Variants in SLC2A13 observed in about 807,000 individuals in gnomAD.
SLC2A13 encodes the protein solute carrier family 2 member 13.
Under a neutral mutation model 64.4 loss-of-function variants are expected in SLC2A13, and 32 were observed. That is an observed-to-expected ratio of 0.50 (90% CI 0.37 to 0.67). The LOEUF (loss-of-function observed/expected upper bound fraction) is 0.67. Among genes scored for constraint, SLC2A13 ranks in the 30% least tolerant of loss-of-function variants. SLC2A13 has a pLI of 0.00. For synonymous variants in SLC2A13, 338 were observed against 327.1 expected, an observed-to-expected ratio of 1.03 and a Z score of -0.36; for missense variants, 743 against 829.2, an observed-to-expected ratio of 0.90 and a Z score of 1.28.
intron 7 of SLC2A13, among the ~76,000 whole-genome samples, chr12:39,781,432 C>T (rs1211077805): frequency 6.6e-6 from 1 of 152,226 alleles, no homozygotes; most frequent in Non-Finnish European, 1.5e-5. Flanking sequence ...ACGTCACCTG[C>T]CATTGTCACC....
In SLC2A13 at chr12:39,895,731, TACGTACACAC is replaced by T. The variant is rs1177202147; in HGVS notation, c.1035-23780_1035-23771del. ...GTACACACATATGTATATGCGTGTA[TACGTACACAC>T]ATGTATATGCGTGTATACGTACACA... On this transcript the variant is annotated intron_variant, in intron 4 of 9. Coordinates refer to ENST00000280871, the MANE Select transcript of SLC2A13 (RefSeq NM_052885.4). 6.0e-4 allele frequency among the ~76,000 whole-genome samples: 74 copies of T among 124,194 alleles called. 21 individuals carry two copies. Among genetic ancestry groups the T allele is most frequent in the Non-Finnish European group, 8.0e-4 (47 of 58,448 alleles). 81.5% of individuals were successfully genotyped at this position (124,194 alleles called of 152,430 possible).
At chr12:39,918,754 C>T (rs1039184814) in intron 4 of SLC2A13, among the ~76,000 whole-genome samples, 5 of 150,980 alleles carry the variant, frequency 3.3e-5, no homozygotes, top group African/African-American at 4.9e-5. Flanking sequence ...ATTAGCTGGG[C>T]GTGGTGGCGC....
At chr12:39,797,550 T>C (rs1373086332) in intron 7 of SLC2A13, among the ~76,000 whole-genome samples, 6 of 152,186 alleles carry the variant, frequency 3.9e-5, no homozygotes, top group South Asian at 4.1e-4. Flanking sequence ...AATATTTTAG[T>C]CAATTTCACA....
intron 3 of SLC2A13, among the ~76,000 whole-genome samples, chr12:40,009,182 G>A (rs370920781): frequency 8.5e-5 from 13 of 152,148 alleles, no homozygotes; most frequent in Admixed American, 5.2e-4. Context: ...TATAAAATGC[G>A]TGGGATCGAT....
chr12:39,896,279 C>T (rs1452800960), intron 4 of SLC2A13, among the ~76,000 whole-genome samples: 21 of 79,958 alleles, frequency 2.6e-4, no homozygotes, highest in Admixed American at 1.7e-3. Flanking sequence ...TATATGTATA[C>T]ATGTATGTAT....
chr12:39,812,559 G>A (rs1409780864), intron 7 of SLC2A13, among the ~76,000 whole-genome samples: 2 of 151,374 alleles, frequency 1.3e-5, no homozygotes, highest in African/African-American at 2.4e-5. Context: ...TGCAACCTCC[G>A]CCTCTGAGAT....
chr12:39,792,781 T>C (rs1423800605), intron 7 of SLC2A13, among the ~76,000 whole-genome samples: 4 of 140,740 alleles, frequency 2.8e-5, no homozygotes, highest in Non-Finnish European at 6.1e-5. Context: ...CCCACTGATA[T>C]GGAGGGCTGG....
At chr12:39,955,961 T>C (rs966712877) in intron 3 of SLC2A13, among the ~76,000 whole-genome samples, 4 of 152,108 alleles carry the variant, frequency 2.6e-5, no homozygotes, top group Admixed American at 2.6e-4. Flanking sequence ...ACCAAATTTG[T>C]AGTAATCTAT....
intron 7 of SLC2A13, among the ~76,000 whole-genome samples, chr12:39,824,087 A>G (rs1942599371): frequency 6.6e-6 from 1 of 152,224 alleles, no homozygotes; most frequent in South Asian, 2.1e-4. Flanking sequence ...AAAACACCAA[A>G]GGTTTAAAAA....
At position 39,803,311 on chromosome 12, in the gene SLC2A13, C is replaced by CA. The variant is rs1258375807; in HGVS notation, c.1445+26791dup. 4.6e-5 allele frequency among the ~76,000 whole-genome samples: 7 copies of CA among 150,756 alleles called. No homozygotes were observed. In the East Asian group the frequency reaches 1.2e-3, roughly 25 times the overall value. On this transcript the variant is annotated intron_variant, in intron 7 of 9. Coordinates refer to ENST00000280871, the MANE Select transcript of SLC2A13 (RefSeq NM_052885.4). ...AAAATAGACTTATATGACAATTATA[C>CA]AAAATGCATGAGGAAACAATCTACC...
chr12:40,081,057 T>A (rs1373612101), intron 1 of SLC2A13, among the ~76,000 whole-genome samples: 2 of 152,182 alleles, frequency 1.3e-5, no homozygotes, highest in Non-Finnish European at 2.9e-5. Context: ...GTAAGATTTC[T>A]GCTGAAAGGT....
At chr12:39,869,845 T>G (rs1221847060) in intron 5 of SLC2A13, among the ~76,000 whole-genome samples, 1 of 152,248 alleles carries the variant, frequency 6.6e-6, no homozygotes, top group Non-Finnish European at 1.5e-5. Flanking sequence ...AATAATGCTG[T>G]GACAGCTAAA....
At chr12:39,926,042 T>C (rs1355030110) in intron 4 of SLC2A13, among the ~76,000 whole-genome samples, 2 of 152,186 alleles carry the variant, frequency 1.3e-5, no homozygotes, top group Non-Finnish European at 2.9e-5. Flanking sequence ...GGCACGAATT[T>C]GGTAAGCTTT....
Position 39,840,501 on chromosome 12 carries a change from A to G in SLC2A13, c.1320-10273T>C, listed in dbSNP as rs150808420. Among the ~76,000 whole-genome samples the G allele has an allele frequency of 6.3e-3, 960 of 151,978 alleles. 14 individuals are homozygous for G. Among genetic ancestry groups the G allele is most frequent in the African/African-American group, 0.022 (909 of 41,452 alleles). On this transcript the variant is annotated intron_variant, in intron 6 of 9. Transcript: ENST00000280871. ...GCCTGTCTCTACTTGCCATTTCTCC[A>G]TAGGTGCCGTGGGTGCTAGCCAGTC...
intron 1 of SLC2A13, among the ~76,000 whole-genome samples, chr12:40,055,254 A>C (rs1948316896): frequency 2.0e-5 from 3 of 152,342 alleles, no homozygotes; most frequent in East Asian, 1.9e-4. Context: ...GTCAGGTTAT[A>C]AGAAAGATTC....
chr12:39,800,653 G>C (rs1251719135), intron 7 of SLC2A13, among the ~76,000 whole-genome samples: 1 of 29,888 alleles, frequency 3.3e-5, no homozygotes. Context: ...TGGTGGGACT[G>C]TAAACTAGTT....
intron 6 of SLC2A13, among the ~76,000 whole-genome samples, chr12:39,850,924 G>C (rs1943449995): frequency 6.6e-6 from 1 of 150,690 alleles, no homozygotes; most frequent in East Asian, 1.9e-4. Context: ...TTTTGAGATG[G>C]AGTCTTGCTT....
At chr12:39,891,421 A>G (rs1292538752) in intron 4 of SLC2A13, among the ~76,000 whole-genome samples, 1 of 152,102 alleles carries the variant, frequency 6.6e-6, no homozygotes, top group Non-Finnish European at 1.5e-5. Flanking sequence ...TTGTCTCCTC[A>G]GTAAATATCA....
Position 39,760,231 on chromosome 12 carries a change from C to G in SLC2A13, c.1742G>C (p.Gly581Ala). Residue 581 changes from glycine (G) to alanine (A), a missense_variant, in exon 10 of 10, where the codon GGA (glycine) becomes GCA (alanine). By Grantham distance (60) the Gly-to-Ala change is moderately conservative. Transcript: ENST00000280871. ...GAAAAGGAGTCCCACAGCAGCAAAT[C>G]CAGCATAGAGGAAGAAAGCTCCTGC... ...TYYGAFFLYA[G>A]FAAVGLLFIY... 6.2e-7 allele frequency: 1 copy of G among 1,612,164 alleles called. No individual in the cohort carries two copies. Among genetic ancestry groups the G allele is most frequent in the Non-Finnish European group, 8.5e-7 (1 of 1,178,960 alleles).
Sources: gnomAD v4.1 joint callset for allele counts (sites outside exome capture counted in the v4.1 genomes callset) on GRCh38, gnomAD v4.1.1 for gene constraint, MANE v1.5 for transcripts, NCBI Gene and HGNC (gene_info 2026-07-23, HGNC 2026-07-21) for gene names.